The following RSBN1 variants were observed in gnomAD, a reference collection of about 807,000 sequenced individuals.
The protein encoded by RSBN1 is lysine-specific demethylase 9.
RSBN1 carries 23 observed loss-of-function variants against 74.8 expected under a neutral mutation model. The observed-to-expected ratio is 0.31, with a 90% confidence interval of 0.22 to 0.44. RSBN1 has a LOEUF of 0.44. RSBN1 is among the 20% of genes least tolerant of loss of function. The probability of loss-of-function intolerance (pLI) is 1.00; values close to 1 mark genes in which losing one functional copy is unlikely to be tolerated. For synonymous variants in RSBN1, 407 were observed against 379.6 expected, an observed-to-expected ratio of 1.07 and a Z score of -0.84; for missense variants, 808 against 1,020.9, an observed-to-expected ratio of 0.79 and a Z score of 2.84.
At chr1:113,768,134 TAA>T in intron 5 of RSBN1, 86 bp downstream of exon 5, 1 of 1,184,234 alleles carries the variant, frequency 8.4e-7, no homozygotes, top group Non-Finnish European at 1.2e-6. Flanking sequence ...TACCACAATT[TAA>T]AAAACTGGTC....
chr1:113,794,714 C>A (rs1660437142), intron 2 of RSBN1, among the ~76,000 whole-genome samples: 1 of 152,198 alleles, frequency 6.6e-6, no homozygotes, highest in Non-Finnish European at 1.5e-5. Context: ...ACAGACAGTG[C>A]TCCCTCTATT....
chr1:113,811,633 C>T (rs1367805475), intron 1 of RSBN1, 77 bp downstream of exon 1: 1 of 1,498,964 alleles, frequency 6.7e-7, no homozygotes, highest in Non-Finnish European at 8.9e-7. Context: ...GGTTTGGCGT[C>T]TTTCAGTCCT....
At chr1:113,787,730 C>T (rs1206142510) in intron 2 of RSBN1, among the ~76,000 whole-genome samples, 3 of 152,148 alleles carry the variant, frequency 2.0e-5, no homozygotes, top group Non-Finnish European at 4.4e-5. Flanking sequence ...CTACTCCATC[C>T]CCTGACAAAA....
chr1:113,783,518 C>T (rs1660177314), intron 2 of RSBN1, among the ~76,000 whole-genome samples: 2 of 151,700 alleles, frequency 1.3e-5, no homozygotes, highest in Admixed American at 6.6e-5. Context: ...CTGTAGGAAA[C>T]TAATGCCAAA....
At chr1:113,795,661 G>T (rs1660456406) in intron 2 of RSBN1, among the ~76,000 whole-genome samples, 1 of 152,102 alleles carries the variant, frequency 6.6e-6, no homozygotes, top group Non-Finnish European at 1.5e-5. Flanking sequence ...TTAAAAAGTG[G>T]TTATTTTTTA....
intron 1 of RSBN1, 25 bp downstream of exon 1, chr1:113,811,685 A>G (rs751137762): frequency 4.5e-6 from 7 of 1,553,678 alleles, no homozygotes; most frequent in Non-Finnish European, 6.1e-6. Flanking sequence ...CTAGAACCCA[A>G]GCCGGGCAGT....
intron 1 of RSBN1, among the ~76,000 whole-genome samples, chr1:113,807,197 A>G (rs1483247423): frequency 6.6e-6 from 1 of 151,594 alleles, no homozygotes; most frequent in African/African-American, 2.4e-5. Context: ...GCCTGTAATC[A>G]CAGCTACTCG....
chr1:113,773,472 A>G (rs201419847), intron 4 of RSBN1, among the ~76,000 whole-genome samples: 4 of 151,964 alleles, frequency 2.6e-5, no homozygotes, highest in Admixed American at 6.5e-5. Context: ...GCAGTGAGCC[A>G]AGATCGCACC....
At chr1:113,801,921 T>C (rs2101823037) in intron 1 of RSBN1, among the ~76,000 whole-genome samples, 1 of 152,268 alleles carries the variant, frequency 6.6e-6, no homozygotes, top group South Asian at 2.1e-4. Context: ...CAATTGAAAG[T>C]TTTCATTAAT....
At chr1:113,795,349 A>C (rs1490510950) in intron 2 of RSBN1, among the ~76,000 whole-genome samples, 1 of 152,132 alleles carries the variant, frequency 6.6e-6, no homozygotes, top group African/African-American at 2.4e-5. Context: ...CTACCTACCC[A>C]CTAGGTTGTT....
chr1:113,800,644 G>A (rs1325173632), intron 1 of RSBN1, among the ~76,000 whole-genome samples: 1 of 152,074 alleles, frequency 6.6e-6, no homozygotes, highest in Admixed American at 6.5e-5. Context: ...TGCAGAAAAT[G>A]AATTGTGACC....
chr1:113,777,472 G>C (rs1660054658), intron 3 of RSBN1, 120 bp from the exon 4 acceptor site: 4 of 982,726 alleles, frequency 4.1e-6, no homozygotes, highest in African/African-American at 1.6e-5. Flanking sequence ...AGAAATAAAT[G>C]CTATTTACAT....
chr1:113,780,019 C>CA (rs1427096432), intron 2 of RSBN1, among the ~76,000 whole-genome samples: 231 of 133,648 alleles, frequency 1.7e-3, no homozygotes, highest in Middle Eastern at 7.8e-3. Context: ...GACTCCGTCT[C>CA]AAAAAAAAAA....
chr1:113,806,979 C>T (rs1000152370), intron 1 of RSBN1, among the ~76,000 whole-genome samples: 2 of 151,756 alleles, frequency 1.3e-5, no homozygotes, highest in African/African-American at 4.8e-5. Flanking sequence ...CATCACTGTG[C>T]TGCAGCCTGG....
chr1:113,794,442 T>C (rs936748715), intron 2 of RSBN1, among the ~76,000 whole-genome samples: 1 of 152,206 alleles, frequency 6.6e-6, no homozygotes, highest in African/African-American at 2.4e-5. Context: ...TCTAAGGCTC[T>C]TCACAATCCT....
At chr1:113,790,152 G>A (rs1290784539) in intron 2 of RSBN1, among the ~76,000 whole-genome samples, 1 of 152,062 alleles carries the variant, frequency 6.6e-6, no homozygotes, top group African/African-American at 2.4e-5. Flanking sequence ...TATACTTTTA[G>A]TTACGTGGGG....
At chr1:113,773,215 A>T (rs1458367742) in intron 4 of RSBN1, among the ~76,000 whole-genome samples, 1 of 152,214 alleles carries the variant, frequency 6.6e-6, no homozygotes, top group Non-Finnish European at 1.5e-5. Context: ...CCCCTCAAAA[A>T]ACAGCAAATT....
At chr1:113,769,982 C>T (rs1659858003) in intron 4 of RSBN1, among the ~76,000 whole-genome samples, 1 of 152,166 alleles carries the variant, frequency 6.6e-6, no homozygotes, top group South Asian at 2.1e-4. Context: ...CTTTAATTCC[C>T]TGACAGAACC....
At chr1:113,778,158 C>T (rs1360178489) in intron 2 of RSBN1, among the ~76,000 whole-genome samples, 1 of 152,070 alleles carries the variant, frequency 6.6e-6, no homozygotes, top group African/African-American at 2.4e-5. Context: ...GTAAAATCAT[C>T]AGGGCAGGGA....
Sources: gnomAD v4.1 joint callset for allele counts (sites outside exome capture counted in the v4.1 genomes callset) on GRCh38, gnomAD v4.1.1 for gene constraint, MANE v1.5 for transcripts, NCBI Gene and HGNC (gene_info 2026-07-23, HGNC 2026-07-21) for gene names.